The following COL24A1 variants were observed in gnomAD, a reference collection of about 807,000 sequenced individuals.
COL24A1 encodes the protein collagen type XXIV alpha 1 chain.
In COL24A1, 224 loss-of-function variants were observed where a neutral mutation model predicts 253.9. The observed-to-expected ratio is 0.88, with a 90% CI of 0.79 to 0.99. COL24A1 has a LOEUF of 0.99. Ranked by LOEUF, COL24A1 falls within the 50% of genes least tolerant of loss-of-function variation. COL24A1 has a pLI of 0.00. For synonymous variants in COL24A1, 685 were observed against 673.7 expected (o/e 1.02, Z -0.26); for missense variants, 2,131 against 2,068.5 (o/e 1.03, Z -0.59).
chr1:85,735,364 TA>T (rs1440930864), intron 58 of COL24A1, among the ~76,000 whole-genome samples: 4 of 152,216 alleles, frequency 2.6e-5, no homozygotes, highest in African/African-American at 9.6e-5. Flanking sequence ...TCACAGTATA[TA>T]AAGTAACAAT....
chr1:86,032,389 C>T (rs1698653888), intron 13 of COL24A1, among the ~76,000 whole-genome samples: 1 of 151,962 alleles, frequency 6.6e-6, no homozygotes, highest in Non-Finnish European at 1.5e-5. Context: ...ATAGAAATAC[C>T]AATATTTGTT....
intron 47 of COL24A1, among the ~76,000 whole-genome samples, chr1:85,804,305 G>C (rs976795577): frequency 6.6e-6 from 1 of 152,066 alleles, no homozygotes; most frequent in Non-Finnish European, 1.5e-5. Context: ...CAAATCAATA[G>C]ATTTAAATAA....
At chr1:85,783,834 G>A (rs944849895) in intron 50 of COL24A1, among the ~76,000 whole-genome samples, 1 of 152,098 alleles carries the variant, frequency 6.6e-6, no homozygotes, top group Admixed American at 6.6e-5. Flanking sequence ...GGCATTTACT[G>A]TAAAATTTTC....
intron 45 of COL24A1, among the ~76,000 whole-genome samples, chr1:85,821,433 A>T (rs1558251745): frequency 6.6e-6 from 1 of 152,106 alleles, no homozygotes; most frequent in South Asian, 2.1e-4. Context: ...TGGGATTTTA[A>T]TTTCTTCATT....
intron 31 of COL24A1, among the ~76,000 whole-genome samples, chr1:85,891,945 C>G (rs1432214569): frequency 6.6e-6 from 1 of 152,134 alleles, no homozygotes; most frequent in Non-Finnish European, 1.5e-5. Context: ...GAACTCCCTT[C>G]TCTATGACTT....
At chr1:85,788,778 T>A (rs1669971145) in intron 47 of COL24A1, among the ~76,000 whole-genome samples, 1 of 152,198 alleles carries the variant, frequency 6.6e-6, no homozygotes, top group East Asian at 1.9e-4. Context: ...TTTCTGCATA[T>A]GGCTAGCCAG....
intron 59 of COL24A1, among the ~76,000 whole-genome samples, chr1:85,733,566 T>A (rs935502567): frequency 2.0e-5 from 3 of 152,052 alleles, no homozygotes; most frequent in East Asian, 3.9e-4. Context: ...AGATTTTTCA[T>A]AGTAACTGTC....
At chr1:85,984,486 A>G (rs1693539197) in intron 20 of COL24A1, among the ~76,000 whole-genome samples, 1 of 151,790 alleles carries the variant, frequency 6.6e-6, no homozygotes, top group Non-Finnish European at 1.5e-5. Context: ...ATAATCCCAC[A>G]TTTATTACTT....
chr1:85,919,381 A>C (rs1028797922), intron 24 of COL24A1, among the ~76,000 whole-genome samples: 2 of 152,216 alleles, frequency 1.3e-5, no homozygotes, highest in South Asian at 4.1e-4. Context: ...TGGAGCCACA[A>C]GAAAGAGGGG....
intron 5 of COL24A1, among the ~76,000 whole-genome samples, chr1:86,107,508 A>AATTT (rs57193756): frequency 0.067 from 9,721 of 145,070 alleles, 366 homozygotes; most frequent in Non-Finnish European, 0.085. Context: ...ACACAATGGT[A>AATTT]ATTTATTTAT....
chr1:85,996,521 A>G (rs1321503803), intron 19 of COL24A1, among the ~76,000 whole-genome samples: 6 of 85,418 alleles, frequency 7.0e-5, no homozygotes, highest in Non-Finnish European at 1.0e-4. Flanking sequence ...CTGAAATCCC[A>G]GCTACTAGGG....
At chr1:86,054,293 T>C (rs1229905536) in intron 10 of COL24A1, among the ~76,000 whole-genome samples, 1 of 151,966 alleles carries the variant, frequency 6.6e-6, no homozygotes, top group Non-Finnish European at 1.5e-5. Context: ...AATTTGGCAA[T>C]TGTAACCTAA....
chr1:85,738,235 G>C (rs954535312), intron 57 of COL24A1, among the ~76,000 whole-genome samples: 2 of 152,022 alleles, frequency 1.3e-5, no homozygotes, highest in Non-Finnish European at 2.9e-5. Flanking sequence ...CGAACATTTT[G>C]TTTTATAATA....
At chr1:85,969,759 C>T (rs929115701) in intron 22 of COL24A1, among the ~76,000 whole-genome samples, 2 of 151,388 alleles carry the variant, frequency 1.3e-5, no homozygotes, top group Non-Finnish European at 2.9e-5. Flanking sequence ...AAACTTTGAT[C>T]ATGTATACCA....
chr1:86,047,393 G>C (rs1376373206), intron 11 of COL24A1, among the ~76,000 whole-genome samples: 4 of 152,178 alleles, frequency 2.6e-5, no homozygotes, highest in Non-Finnish European at 5.9e-5. Flanking sequence ...TTCTGGTCAT[G>C]TAAGAAGCAG....
At chr1:85,849,528 T>C (rs768790148) in intron 37 of COL24A1, 122 bp from the exon 38 acceptor site, 29 of 747,772 alleles carry the variant, frequency 3.9e-5, no homozygotes, top group Non-Finnish European at 5.7e-5. Context: ...TGAGGGTTAA[T>C]TTTCACATTA....
At chr1:85,882,908 T>C (rs1682028614) in intron 32 of COL24A1, among the ~76,000 whole-genome samples, 1 of 152,236 alleles carries the variant, frequency 6.6e-6, no homozygotes, top group Admixed American at 6.5e-5. Flanking sequence ...CTCTGAAATA[T>C]AAATATTTCC....
chr1:85,871,646 G>A (rs527764662), intron 35 of COL24A1, among the ~76,000 whole-genome samples: 401 of 152,166 alleles, frequency 2.6e-3, no homozygotes, highest in Non-Finnish European at 4.8e-3. Context: ...AAATTCAACA[G>A]CCCTTCATGC....
chr1:85,838,510 G>A (rs773064407), intron 43 of COL24A1, 75 bp downstream of exon 43: 289 of 1,310,310 alleles, frequency 2.2e-4, no homozygotes, highest in Non-Finnish European at 3.0e-4. Flanking sequence ...TCTCAATAAT[G>A]GAATGGAAAA....
Sources: allele counts gnomAD v4.1 joint callset (sites outside exome capture counted in the v4.1 genomes callset), GRCh38; gene constraint gnomAD v4.1.1; transcripts MANE v1.5; gene names NCBI Gene and HGNC (gene_info 2026-07-23, HGNC 2026-07-21).